Variants in BBOX1 observed in about 807,000 individuals in gnomAD.
BBOX1 encodes the protein gamma-butyrobetaine dioxygenase.
BBOX1 carries 35 observed loss-of-function variants against 41.6 expected under a neutral mutation model. That is an observed-to-expected ratio of 0.84 (90% confidence interval 0.64 to 1.11). The LOEUF (loss-of-function observed/expected upper bound fraction) is 1.11, where lower values mean the gene tolerates loss of function less well. Ranked by LOEUF, BBOX1 falls within the 50% of genes most tolerant of loss-of-function variation. The pLI, the probability that BBOX1 is intolerant of heterozygous loss-of-function variation, is 0.00. For missense variants in BBOX1, 458 were observed against 460.6 expected (o/e 0.99, Z 0.05); for synonymous variants, 163 against 154.7 (o/e 1.05, Z -0.40).
chr11:27,051,597 T>A (rs1851671475), intron 2 of BBOX1, among the ~76,000 whole-genome samples: 1 of 152,112 alleles, frequency 6.6e-6, no homozygotes, highest in Non-Finnish European at 1.5e-5. Context: ...GATTATTCAA[T>A]TATTGGCATG....
intron 2 of BBOX1, 139 bp from the exon 3 acceptor site, chr11:27,055,254 A>G: frequency 1.8e-6 from 1 of 570,508 alleles, no homozygotes; most frequent in Non-Finnish European, 3.1e-6. Flanking sequence ...CAAAGGTCCC[A>G]GCGTCAATAA....
intron 8 of BBOX1, 47 bp from the exon 9 acceptor site, chr11:27,127,246 T>C (rs373074940): frequency 1.2e-5 from 19 of 1,581,892 alleles, no homozygotes; most frequent in Middle Eastern, 1.7e-4. Context: ...GCTCTGTAAG[T>C]CATTTAAACA....
intron 5 of BBOX1, among the ~76,000 whole-genome samples, chr11:27,094,921 C>T (rs1459626979): frequency 1.3e-5 from 2 of 151,968 alleles, no homozygotes; most frequent in Non-Finnish European, 2.9e-5. Flanking sequence ...GGGGAAAAGT[C>T]TCAAAATTAT....
At chr11:27,068,446 T>G (rs1803283551) in intron 4 of BBOX1, among the ~76,000 whole-genome samples, 1 of 152,126 alleles carries the variant, frequency 6.6e-6, no homozygotes, top group Admixed American at 6.5e-5. Flanking sequence ...TTTGTTTGAG[T>G]TCCTTGTAGA....
At chr11:27,051,358 G>T (rs187027663) in intron 2 of BBOX1, among the ~76,000 whole-genome samples, 1 of 151,988 alleles carries the variant, frequency 6.6e-6, no homozygotes, top group African/African-American at 2.4e-5. Context: ...AATGAGTTTG[G>T]AAGTATTCCC....
rs139425788 is a variant in BBOX1, at chr11:27,041,417, G to A, written c.-100G>A. 29 of 152,184 alleles carry A rather than the reference G, an allele frequency of 1.9e-4. No individual in the cohort carries two copies. Among genetic ancestry groups the A allele is most frequent in the African/African-American group, 6.0e-4 (25 of 41,516 alleles). 9.4% of individuals were successfully genotyped at this position (152,184 alleles called of 1,614,324 possible). On this transcript the variant is annotated 5_prime_UTR_variant, in exon 2 of 9. Coordinates refer to ENST00000263182, the MANE Select transcript of BBOX1 (RefSeq NM_003986.3). ...GGACAGATCATTCCTGGGATGTGAC[G>A]GGCACCAGAATGCTCCCTCTCCAAA...
intron 4 of BBOX1, among the ~76,000 whole-genome samples, chr11:27,087,613 C>T (rs759028753): frequency 2.6e-5 from 4 of 152,030 alleles, no homozygotes; most frequent in Non-Finnish European, 4.4e-5. Flanking sequence ...GAACCCAACC[C>T]GCAGTAACTC....
At chr11:27,043,418 C>CATGTACAGAATGTGCAG (rs1482284669) in intron 2 of BBOX1, among the ~76,000 whole-genome samples, 1 of 150,150 alleles carries the variant, frequency 6.7e-6, no homozygotes, top group Non-Finnish European at 1.5e-5. Context: ...AGAATGTGCA[C>CATGTACAGAATGTGCAG]GTTTGGGGTA....
chr11:27,055,655 T>C lies in BBOX1; in HGVS notation c.219+6T>C, dbSNP rs1393789343. ...TGATATTTGACAGAAAAAAGGTAAT[T>C]ATCTCTAAATTATGTCTCCCTTCTT... On this transcript the variant is annotated splice_donor_region_variant and intron_variant, in intron 3 of 8. Transcript: ENST00000263182. The C allele has an allele frequency of 1.9e-6, 3 of 1,601,834 alleles. No homozygotes were observed. The highest frequency in any genetic ancestry group is 1.7e-5 in the Admixed American group (1 of 59,878).
At chr11:27,116,326 G>A (rs1366055908) in intron 6 of BBOX1, among the ~76,000 whole-genome samples, 1 of 151,590 alleles carries the variant, frequency 6.6e-6, no homozygotes, top group African/African-American at 2.4e-5. Context: ...TGTTGGGGGG[G>A]TTGGGAGGAT....
chr11:27,068,411 G>C (rs935992354), intron 4 of BBOX1, among the ~76,000 whole-genome samples: 10 of 152,028 alleles, frequency 6.6e-5, no homozygotes, highest in South Asian at 2.1e-4. Flanking sequence ...CCCACGTTTT[G>C]ATGGGGTTGT....
chr11:27,062,317 A>T (rs1857152867), intron 4 of BBOX1, among the ~76,000 whole-genome samples: 1 of 152,126 alleles, frequency 6.6e-6, no homozygotes, highest in Admixed American at 6.5e-5. Context: ...TTGGTCCTAA[A>T]CCTGCAGGCG....
At position 27,074,699 on chromosome 11, in the gene BBOX1, C is replaced by T. The variant is rs75123637; in HGVS notation, c.334+17384C>T. ...CTGGCTGTTTATAAAAGTCTATACTCATATGTGTGAACAAAGAGATTAGCT... is the reference window on the plus strand; with the variant it reads ...CTGGCTGTTTATAAAAGTCTATACTTATATGTGTGAACAAAGAGATTAGCT... On this transcript the variant is annotated intron_variant, in intron 4 of 8. Transcript: ENST00000263182. Among the ~76,000 whole-genome samples, 827 of 152,300 alleles carry T rather than the reference C, an allele frequency of 5.4e-3. 5 individuals carry two copies. Among genetic ancestry groups the T allele is most frequent in the South Asian group, 0.015 (71 of 4,828 alleles).
At chr11:27,106,508 G>A (rs768902691) in intron 5 of BBOX1, among the ~76,000 whole-genome samples, 71 of 152,220 alleles carry the variant, frequency 4.7e-4, no homozygotes, top group African/African-American at 1.6e-3. Context: ...ATTACATAAT[G>A]GTAAAGGGAT....
intron 4 of BBOX1, among the ~76,000 whole-genome samples, chr11:27,092,322 T>G (rs1326444877): frequency 6.6e-6 from 1 of 152,008 alleles, no homozygotes; most frequent in Non-Finnish European, 1.5e-5. Context: ...AGGGCAATTT[T>G]CTTACCAAGG....
chr11:27,060,259 T>C (rs1456791491), intron 4 of BBOX1, among the ~76,000 whole-genome samples: 1 of 152,106 alleles, frequency 6.6e-6, no homozygotes, highest in African/African-American at 2.4e-5. Context: ...TTAAGGTGTG[T>C]AGCAACACCT....
chr11:27,058,084 G>A (rs1314873490), intron 4 of BBOX1, among the ~76,000 whole-genome samples: 1 of 152,126 alleles, frequency 6.6e-6, no homozygotes, highest in Non-Finnish European at 1.5e-5. Flanking sequence ...TGCCTATTTT[G>A]AAGATTTATT....
chr11:27,114,439 A>G (rs528688735), intron 5 of BBOX1, among the ~76,000 whole-genome samples: 59 of 151,966 alleles, frequency 3.9e-4, no homozygotes, highest in Admixed American at 9.2e-4. Flanking sequence ...AGTGGGCAAA[A>G]CAATATTTAA....
chr11:27,049,460 C>T (rs1039242680), intron 2 of BBOX1, among the ~76,000 whole-genome samples: 5 of 152,098 alleles, frequency 3.3e-5, no homozygotes, highest in Admixed American at 6.5e-5. Context: ...ATGTTGGCCA[C>T]GTTGGCCTCA....
Sources: allele counts gnomAD v4.1 joint callset (sites outside exome capture counted in the v4.1 genomes callset), GRCh38; gene constraint gnomAD v4.1.1; transcripts MANE v1.5; gene names NCBI Gene and HGNC (gene_info 2026-07-23, HGNC 2026-07-21).